Variants in ZNF287 observed in about 807,000 individuals in gnomAD.
The protein encoded by ZNF287 is zinc finger protein with KRAB and SCAN domains 13.
ZNF287 carries 31 observed loss-of-function variants against 73.7 expected under a neutral mutation model. The observed-to-expected ratio is 0.42, with a 90% confidence interval of 0.32 to 0.57. The LOEUF (loss-of-function observed/expected upper bound fraction) is 0.57. Among genes scored for constraint, ZNF287 ranks in the 20% least tolerant of loss-of-function variants. ZNF287 has a pLI of 0.13. For synonymous variants in ZNF287, 301 were observed against 307.2 expected (o/e 0.98, Z 0.21); for missense variants, 641 against 909.3 (o/e 0.70, Z 3.79).
chr17:16,552,086 T>A lies in ZNF287; in HGVS notation c.2056A>T (p.Ile686Phe), dbSNP rs918165762. 6.2e-7 allele frequency: 1 copy of A among 1,614,124 alleles called. No individual in the cohort carries two copies. The highest frequency in any genetic ancestry group is 1.3e-5 in the African/African-American group (1 of 75,064). ...TGTTGATTAAGTGATGAGGAATAAA[T>A]GAAAGCTTTCCCACATTCATTACAT... ...YKCNECGKAF[I>F]YSSSLNQHQR... Residue 686 changes from isoleucine to phenylalanine, a missense_variant, in exon 6 of 6, where the codon ATT becomes TTT. This residue lies in a region of ZNF287 where 284 missense variants were observed against 466.8 expected (regional missense o/e 0.61). Coordinates refer to ENST00000395825, the MANE Select transcript of ZNF287 (RefSeq NM_020653.4). The surrounding 1 kb of genome is among the most constrained non-coding windows in gnomAD (Gnocchi z 6.5).
chr17:16,554,681 G>A (rs532105966), intron 5 of ZNF287, among the ~76,000 whole-genome samples: 47 of 152,344 alleles, frequency 3.1e-4, no homozygotes, highest in African/African-American at 1.1e-3. Context: ...CACTTTGGGA[G>A]GCCAAGGTGG....
At chr17:16,556,690 AAG>A (rs1383222590) in intron 5 of ZNF287, among the ~76,000 whole-genome samples, 1 of 152,206 alleles carries the variant, frequency 6.6e-6, no homozygotes, top group Non-Finnish European at 1.5e-5. Flanking sequence ...ATACACAAAA[AAG>A]AGATGAGATG....
At position 16,554,799 on chromosome 17, in the gene ZNF287, A is replaced by G. The variant is rs186571319; in HGVS notation, c.716-1373T>C. ...GACAGATGTGGTGGTGTGCACCTGT[A>G]GTCCCAGCTACCTGGGAGGCTGAGG... On this transcript the variant is annotated intron_variant, in intron 5 of 5. Transcript: ENST00000395825. Among the ~76,000 whole-genome samples the G allele has an allele frequency of 5.4e-4, 83 of 152,316 alleles. No individual in the cohort carries two copies. The East Asian group carries it at 0.013, about 25-fold the overall frequency.
At chr17:16,566,688 CA>C in intron 2 of ZNF287, 66 bp from the exon 3 acceptor site, 8 of 1,071,334 alleles carry the variant, frequency 7.5e-6, no homozygotes, top group Non-Finnish European at 1.1e-5. Flanking sequence ...AACCCCTCAC[CA>C]AATAGATGCC....
At chr17:16,568,719 C>G (rs1332772003) in intron 1 of ZNF287, 11 of 152,370 alleles carry the variant, frequency 7.2e-5, no homozygotes, top group Admixed American at 7.2e-4. Context: ...CTGTCGCCTC[C>G]CCTTCCCGGC....
At chr17:16,554,027 T>C (rs1216375809) in intron 5 of ZNF287, among the ~76,000 whole-genome samples, 2 of 152,218 alleles carry the variant, frequency 1.3e-5, no homozygotes, top group Non-Finnish European at 2.9e-5. Flanking sequence ...TAATCTGTTT[T>C]ATTAAACCCA....
rs1428305508 is a variant in ZNF287, at chr17:16,551,017, T to A, written c.*839A>T. On this transcript the variant is annotated 3_prime_UTR_variant, in exon 6 of 6. Coordinates refer to ENST00000395825, the MANE Select transcript of ZNF287 (RefSeq NM_020653.4). ...ACACATTAGTTTCTATCATAACATA[T>A]CTTTCATTAAGCTTCTCTTTAATAT... 6.6e-6 allele frequency among the ~76,000 whole-genome samples: 1 copy of A among 151,426 alleles called. No homozygotes were observed. The highest frequency in any genetic ancestry group is 1.5e-5 in the Non-Finnish European group (1 of 67,962).
chr17:16,567,381 G>A lies in ZNF287; in HGVS notation c.351C>T (p.Ser117=), dbSNP rs1417690058. ...CCTCCACCAGAGTCACTGCTTCCTC[G>A]CTGCTCTCTGGATACTGGGACTTTA... The part of the protein sequence containing the change: ...TWVKSQYPES[S]EEAVTLVEDL... Residue 117 remains serine (S), a synonymous_variant, in exon 2 of 6, where the codon AGC becomes AGT. Coordinates refer to ENST00000395825, the MANE Select transcript of ZNF287 (RefSeq NM_020653.4). 20 of 1,613,954 alleles carry A rather than the reference G, an allele frequency of 1.2e-5. No individual in the cohort carries two copies. The highest frequency in any genetic ancestry group is 2.2e-5 in the East Asian group (1 of 44,882).
chr17:16,550,419 T>C lies in ZNF287; in HGVS notation c.*1437A>G, dbSNP rs1906570374. On this transcript the variant is annotated 3_prime_UTR_variant, in exon 6 of 6. Transcript: ENST00000395825. ...TTTCATGTTATAGCAATTATCTATG[T>C]ATGTTTTCCTCACTCCACTAAAATT... 1.3e-5 allele frequency among the ~76,000 whole-genome samples: 2 copies of C among 152,094 alleles called. No individual in the cohort carries two copies. Among genetic ancestry groups the C allele is most frequent in the Admixed American group, 6.5e-5 (1 of 15,278 alleles).
intron 5 of ZNF287, among the ~76,000 whole-genome samples, chr17:16,554,858 T>G (rs1906936694): frequency 6.6e-6 from 1 of 152,198 alleles, no homozygotes; most frequent in Non-Finnish European, 1.5e-5. Context: ...AGGCGGAGGT[T>G]GCAGTGAGCC....
chr17:16,554,915 G>A (rs553180943), intron 5 of ZNF287, among the ~76,000 whole-genome samples: 5 of 152,208 alleles, frequency 3.3e-5, no homozygotes, highest in Admixed American at 6.5e-5. Flanking sequence ...GCAAGATCCT[G>A]TCTCCAAAAA....
intron 5 of ZNF287, among the ~76,000 whole-genome samples, chr17:16,554,249 C>A (rs1262361961): frequency 6.7e-6 from 1 of 149,312 alleles, no homozygotes; most frequent in Non-Finnish European, 1.5e-5. Context: ...TCTTGGCTCA[C>A]TGCAACCTCT....
At chr17:16,563,979 T>C (rs1445975393) in intron 3 of ZNF287, among the ~76,000 whole-genome samples, 154 bp from the exon 4 acceptor site, 2 of 152,212 alleles carry the variant, frequency 1.3e-5, no homozygotes, top group African/African-American at 4.8e-5. Flanking sequence ...CCCTGACATA[T>C]GGACAGCCCT....
At chr17:16,559,388 CTA>C (rs1907276076) in intron 5 of ZNF287, 1 of 152,214 alleles carries the variant, frequency 6.6e-6, no homozygotes, top group East Asian at 1.9e-4. Context: ...GAATGTGAAA[CTA>C]TTTTTGTGTG....
Position 16,555,640 on chromosome 17 carries a change from A to ACC in ZNF287, c.716-2216_716-2215dup, listed in dbSNP as rs1555899119. Among the ~76,000 whole-genome samples the ACC allele has an allele frequency of 2.0e-3, 291 of 147,570 alleles. 1 individual carries two copies. Among genetic ancestry groups the ACC allele is most frequent in the African/African-American group, 5.9e-3 (230 of 38,972 alleles). ...CACACACACACACACACACACACAC[A>ACC]CCCCAAACCAAACCAAAAAGGTTGA... is the stretch of plus-strand genomic sequence containing the variant. On this transcript the variant is annotated intron_variant, in intron 5 of 5. Transcript: ENST00000395825.
chr17:16,555,827 A>G (rs1046579941), intron 5 of ZNF287, among the ~76,000 whole-genome samples: 2 of 152,238 alleles, frequency 1.3e-5, no homozygotes, highest in Admixed American at 6.5e-5. Context: ...CAAGAATTAC[A>G]TAATGTAATT....
At chr17:16,559,428 T>C (rs1907277948) in intron 5 of ZNF287, among the ~76,000 whole-genome samples, 1 of 152,128 alleles carries the variant, frequency 6.6e-6, no homozygotes, top group Non-Finnish European at 1.5e-5. Context: ...AATAAGTAAA[T>C]ATACTGATGT....
chr17:16,563,078 C>T (rs1414898167), intron 5 of ZNF287, 68 bp downstream of exon 5: 2 of 1,255,862 alleles, frequency 1.6e-6, no homozygotes, highest in African/African-American at 1.5e-5. Flanking sequence ...ATTTAAAATG[C>T]ATTTCTCACC....
At chr17:16,559,339 G>T (rs560697324) in intron 5 of ZNF287, 3 of 152,114 alleles carry the variant, frequency 2.0e-5, no homozygotes, top group African/African-American at 7.2e-5. Context: ...GGACTTCAAA[G>T]AAATCTTGAA....
Sources: allele counts gnomAD v4.1 joint callset (sites outside exome capture counted in the v4.1 genomes callset), GRCh38; gene constraint gnomAD v4.1.1; regional missense constraint gnomAD v4.1.1; non-coding constraint Gnocchi (gnomAD v3.1); transcripts MANE v1.5; gene names NCBI Gene and HGNC (gene_info 2026-07-23, HGNC 2026-07-21).